The following HELQ variants were observed in gnomAD, a reference collection of about 807,000 sequenced individuals.
HELQ encodes helicase, POLQ like.
Under a neutral mutation model 111.6 loss-of-function variants are expected in HELQ, and 77 were observed. The ratio of observed to expected loss-of-function variants is 0.69; its 90% CI spans 0.57 to 0.83. HELQ has a LOEUF of 0.83. Among genes scored for constraint, HELQ ranks in the 40% least tolerant of loss-of-function variants. The pLI is 0.00. For missense variants in HELQ, 1,200 were observed against 1,288.5 expected, an observed-to-expected ratio of 0.93 and a Z score of 1.05; for synonymous variants, 438 against 454.7, an observed-to-expected ratio of 0.96 and a Z score of 0.47.
chr4:83,436,232 T>C (rs888456138), intron 9 of HELQ, among the ~76,000 whole-genome samples: 1 of 151,998 alleles, frequency 6.6e-6, no homozygotes, highest in African/African-American at 2.4e-5. Flanking sequence ...AGTAAGAAAA[T>C]AGAGAAGCCG....
rs139804285 is a variant in HELQ at position 83,453,759 on chromosome 4, T to G, written c.484A>C (p.Ile162Leu). The change falls in exon 2 of 18, where the codon ATA becomes CTA. Residue 162 changes from isoleucine (I) to leucine (L), a missense_variant. By Grantham distance (5) the Ile-to-Leu change is conservative (BLOSUM62 2). Around this residue, in one of 3 missense-constraint regions of HELQ, gnomAD observed 610 missense variants for 607.1 expected, o/e 1.00. Transcript: ENST00000295488. Reference sequence around the variant, plus strand: ...GTTTGTAATTCAGTAAGGTTGCCTATGGTAGTAATGCTGAGTTTGTTTTTG... The same window carrying G: ...GTTTGTAATTCAGTAAGGTTGCCTAGGGTAGTAATGCTGAGTTTGTTTTTG... The part of the protein sequence containing the change: ...SIKNKLSITT[I>L]GNLTELQTDK... The G allele has an allele frequency of 1.5e-4, 247 of 1,614,216 alleles. 1 individual carries two copies. The African/African-American group carries it at 2.9e-3, about 19-fold the overall frequency.
At chr4:83,428,661 T>C (rs1332252733) in intron 12 of HELQ, among the ~76,000 whole-genome samples, 2 of 152,128 alleles carry the variant, frequency 1.3e-5, no homozygotes, top group Non-Finnish European at 2.9e-5. Context: ...AAAAAGCAAG[T>C]TGCAGGCCAA....
chr4:83,428,039 C>T (rs1258812706), intron 12 of HELQ, among the ~76,000 whole-genome samples: 3 of 151,954 alleles, frequency 2.0e-5, no homozygotes, highest in African/African-American at 7.3e-5. Context: ...CCATCAACAT[C>T]GAATGGTTAA....
chr4:83,423,609 C>G (rs1482158433), intron 14 of HELQ, among the ~76,000 whole-genome samples: 4 of 152,010 alleles, frequency 2.6e-5, no homozygotes, highest in African/African-American at 7.2e-5. Context: ...ATGCTTTATG[C>G]CAATGTCAAG....
chr4:83,436,814 A>G, intron 9 of HELQ, 44 bp downstream of exon 9: 1 of 1,564,992 alleles, frequency 6.4e-7, no homozygotes, highest in Middle Eastern at 1.7e-4. Flanking sequence ...GCAAGCTAGA[A>G]ATGGAAAAGT....
At position 83,455,472 on chromosome 4, in the gene HELQ, A is replaced by G. The variant is rs1721717198; in HGVS notation, c.222T>C (p.Cys74=). Reference sequence around the variant, plus strand: ...TTGTATCACCACCTCCAAGGACGAGACATTCCGGGGAATCTGAGAGTAGAA... The same window carrying G: ...TTGTATCACCACCTCCAAGGACGAGGCATTCCGGGGAATCTGAGAGTAGAA... ...QPLLLSDSPE[C]LVLGGGDTNP... The change falls in exon 1 of 18, where the codon TGT becomes TGC. Residue 74 remains cysteine (C), a synonymous_variant. Transcript: ENST00000295488. The G allele has an allele frequency of 1.9e-6, 3 of 1,614,040 alleles. No homozygotes were observed. Among genetic ancestry groups the G allele is most frequent in the Non-Finnish European group, 2.5e-6 (3 of 1,180,022 alleles).
In HELQ at chr4:83,448,917, T is replaced by C; in HGVS notation, c.1057A>G (p.Lys353Glu). The C allele has an allele frequency of 1.2e-6, 2 of 1,612,238 alleles. No homozygotes were observed. Among genetic ancestry groups the C allele is most frequent in the Non-Finnish European group, 1.7e-6 (2 of 1,178,522 alleles). The change falls in exon 3 of 18, where the codon AAA (lysine) becomes GAA (glutamate). Residue 353 changes from lysine (K) to glutamate (E), a missense_variant. Lys to Glu is a moderately conservative substitution (Grantham distance 56). Coordinates refer to ENST00000295488, the MANE Select transcript of HELQ (RefSeq NM_133636.5). The stretch of plus-strand genomic sequence containing the variant: ...GTTGGCAAGGAATATATTAAATTTT[T>C]TCTTTCTTGCACAGAATTCAATGTT... ...CLTLNSVQER[K>E]NLIYSLPTSG...
At chr4:83,433,979 CAAAA>C (rs60020544) in intron 9 of HELQ, among the ~76,000 whole-genome samples, 3 of 64,030 alleles carry the variant, frequency 4.7e-5, no homozygotes, top group Non-Finnish European at 7.8e-5. Flanking sequence ...GACTCTGTCT[CAAAA>C]AAAAAAAAAA....
intron 15 of HELQ, among the ~76,000 whole-genome samples, chr4:83,421,232 T>G (rs569046791): frequency 1.0e-3 from 153 of 152,356 alleles, no homozygotes; most frequent in Middle Eastern, 6.8e-3. Flanking sequence ...GACATTCACA[T>G]GGAATCTACA....
chr4:83,423,882 G>A (rs891774961), intron 14 of HELQ, among the ~76,000 whole-genome samples: 1 of 151,960 alleles, frequency 6.6e-6, no homozygotes, highest in African/African-American at 2.4e-5. Flanking sequence ...TTGCACTGCA[G>A]CCTGGAGCCT....
intron 8 of HELQ, among the ~76,000 whole-genome samples, chr4:83,438,766 A>G (rs1720601745): frequency 7.0e-6 from 1 of 143,558 alleles, no homozygotes. Flanking sequence ...AAAAAAAAAA[A>G]GGAAAAGAGA....
At chr4:83,452,342 G>A (rs1038378768) in intron 2 of HELQ, among the ~76,000 whole-genome samples, 8 of 151,908 alleles carry the variant, frequency 5.3e-5, no homozygotes, top group African/African-American at 1.9e-4. Flanking sequence ...GCCCAAGGAA[G>A]CCAAAAGATT....
chr4:83,420,779 A>G (rs1026299981), intron 15 of HELQ, among the ~76,000 whole-genome samples: 2 of 152,056 alleles, frequency 1.3e-5, no homozygotes, highest in Non-Finnish European at 2.9e-5. Flanking sequence ...TCTCAAAAAA[A>G]CAAAAAAAAT....
In HELQ at chr4:83,455,570, C is replaced by G; in HGVS notation, c.124G>C (p.Glu42Gln). ...AELVPGDEGK[E>Q]EEEMVAENRR... Reference sequence around the variant, plus strand: ...TTCTCAGCCACCATTTCCTCCTCCTCTTTCCCCTCATCTCCGGGCACGAGC... The same window carrying G: ...TTCTCAGCCACCATTTCCTCCTCCTGTTTCCCCTCATCTCCGGGCACGAGC... Residue 42 changes from glutamate to glutamine, a missense_variant, in exon 1 of 18, where the codon GAG becomes CAG. By Grantham distance (29) the Glu-to-Gln change is conservative (BLOSUM62 2). Around this residue, in one of 3 missense-constraint regions of HELQ, gnomAD observed 610 missense variants for 607.1 expected, o/e 1.00. Coordinates refer to ENST00000295488, the MANE Select transcript of HELQ (RefSeq NM_133636.5). The G allele has an allele frequency of 6.2e-7, 1 of 1,614,216 alleles. No individual in the cohort carries two copies. The highest frequency in any genetic ancestry group is 8.5e-7 in the Non-Finnish European group (1 of 1,180,038).
rs1719919135 is a variant in HELQ, at chr4:83,427,675, T to G, written c.2564A>C (p.Lys855Thr). Reference protein sequence around the residue: ...AYCDILYRDLKKGLEGLVLES... With the variant: ...AYCDILYRDLTKGLEGLVLES... ...AAGCACAAGTCCTTCAAGACCTTTCTTCAAGTCTCTGTACAGAATGTCACA... is the reference window on the plus strand; with the variant it reads ...AAGCACAAGTCCTTCAAGACCTTTCGTCAAGTCTCTGTACAGAATGTCACA... Residue 855 changes from lysine (K) to threonine (T), a missense_variant, in exon 13 of 18, where the codon AAG (lysine) becomes ACG (threonine). By Grantham distance (78) the Lys-to-Thr change is moderately conservative. Around this residue, in one of 3 missense-constraint regions of HELQ, gnomAD observed 585 missense variants for 665.3 expected, o/e 0.88. Transcript: ENST00000295488. The G allele has an allele frequency of 6.2e-7, 1 of 1,602,478 alleles. No homozygotes were observed. The highest frequency in any genetic ancestry group is 1.1e-5 in the South Asian group (1 of 89,100).
chr4:83,451,390 C>T (rs577806956), intron 2 of HELQ, among the ~76,000 whole-genome samples: 17 of 152,148 alleles, frequency 1.1e-4, no homozygotes, highest in African/African-American at 2.4e-4. Flanking sequence ...AGGCCGGGCT[C>T]GGTGGCTCAC....
At chr4:83,452,909 T>C (rs1721473117) in intron 2 of HELQ, among the ~76,000 whole-genome samples, 1 of 152,218 alleles carries the variant, frequency 6.6e-6, no homozygotes, top group Non-Finnish European at 1.5e-5. Flanking sequence ...TTACCAACAT[T>C]GAATTTGGCA....
chr4:83,418,480 G>A (rs1209985813), intron 15 of HELQ, among the ~76,000 whole-genome samples: 1 of 152,084 alleles, frequency 6.6e-6, no homozygotes, highest in Non-Finnish European at 1.5e-5. Flanking sequence ...CAAAATACCT[G>A]GAAGAAAATG....
chr4:83,445,475 A>G (rs1195633692), intron 5 of HELQ, among the ~76,000 whole-genome samples: 2 of 152,240 alleles, frequency 1.3e-5, no homozygotes, highest in Non-Finnish European at 2.9e-5. Context: ...TATCAATAGT[A>G]GGTTATGACA....
Sources: allele counts gnomAD v4.1 joint callset (sites outside exome capture counted in the v4.1 genomes callset), GRCh38; gene constraint gnomAD v4.1.1; regional missense constraint gnomAD v4.1.1; transcripts MANE v1.5; gene names NCBI Gene and HGNC (gene_info 2026-07-23, HGNC 2026-07-21).